The following CDH13 variants were observed in gnomAD, a reference collection of about 807,000 sequenced individuals.
CDH13 encodes cadherin-13.
CDH13 carries 24 observed loss-of-function variants against 63.8 expected under a neutral mutation model. That is an observed-to-expected ratio of 0.38 (90% confidence interval 0.27 to 0.53). CDH13 has a LOEUF of 0.53. CDH13 is among the 20% of genes least tolerant of loss of function. The pLI is 0.85. For missense variants in CDH13, 1,049 were observed against 903.1 expected, an observed-to-expected ratio of 1.16 and a Z score of -2.07; for synonymous variants, 503 against 355.3, an observed-to-expected ratio of 1.42 and a Z score of -4.67.
At chr16:83,263,569 A>T (rs554195793) in intron 5 of CDH13, among the ~76,000 whole-genome samples, 165 of 152,018 alleles carry the variant, frequency 1.1e-3, no homozygotes, top group Non-Finnish European at 1.8e-3. Flanking sequence ...GGTTTGATAT[A>T]AAAAAAACAA....
At chr16:83,355,142 G>A (rs913517883) in intron 6 of CDH13, among the ~76,000 whole-genome samples, 11 of 152,188 alleles carry the variant, frequency 7.2e-5, no homozygotes, top group African/African-American at 2.7e-4. Context: ...TCTGTGGAGA[G>A]AGAAATAGGG....
rs2089727730 is a variant in CDH13 at position 83,301,039 on chromosome 16, T to TTTTTC, written c.637-43819_637-43818insCTTTT. On this transcript the variant is annotated intron_variant, in intron 5 of 13. Coordinates refer to ENST00000567109, the MANE Select transcript of CDH13 (RefSeq NM_001257.5). Reference sequence around the variant, plus strand: ...AACTTTCTGGGGTTTTTTTTTTTTTTTTTTTTTTTTGAGACAGAGCCTCAC... The same window carrying TTTTTC: ...AACTTTCTGGGGTTTTTTTTTTTTTTTTTTCTTTTTTTTTTGAGACAGAGCCTCAC... 2.9e-5 allele frequency among the ~76,000 whole-genome samples: 4 copies of TTTTTC among 137,572 alleles called. No homozygotes were observed. In the South Asian group the frequency reaches 1.0e-3, roughly 35 times the overall value. The allele number at this position is 137,572 out of a possible 152,430, so 90.3% of individuals were successfully genotyped here.
intron 4 of CDH13, among the ~76,000 whole-genome samples, chr16:83,179,359 G>A (rs1041579354): frequency 6.6e-6 from 1 of 151,788 alleles, no homozygotes; most frequent in Non-Finnish European, 1.5e-5. Context: ...TCAACAAAAG[G>A]GAGGATGGGC....
At chr16:82,912,334 T>A (rs1198139685) in intron 2 of CDH13, among the ~76,000 whole-genome samples, 1 of 152,200 alleles carries the variant, frequency 6.6e-6, no homozygotes, top group Non-Finnish European at 1.5e-5. Flanking sequence ...TAAATATCCT[T>A]TCCTGCTCCA....
chr16:83,463,081 C>T (rs537376410), intron 6 of CDH13, among the ~76,000 whole-genome samples: 7 of 151,992 alleles, frequency 4.6e-5, no homozygotes, highest in African/African-American at 1.5e-4. Context: ...AACACTGCCT[C>T]GGGAAGGAGT....
intron 11 of CDH13, among the ~76,000 whole-genome samples, chr16:83,752,616 T>G (rs1248297220): frequency 1.3e-5 from 2 of 152,204 alleles, no homozygotes; most frequent in African/African-American, 2.4e-5. Flanking sequence ...TACAGCTGTT[T>G]CTCATCTTTG....
chr16:83,465,983 G>A (rs756200188), intron 6 of CDH13, among the ~76,000 whole-genome samples: 1 of 152,154 alleles, frequency 6.6e-6, no homozygotes, highest in Non-Finnish European at 1.5e-5. Context: ...CTACAGGGAG[G>A]AGAAGTCTCT....
intron 1 of CDH13, among the ~76,000 whole-genome samples, chr16:82,730,505 G>A (rs926771873): frequency 1.3e-5 from 2 of 152,194 alleles, no homozygotes; most frequent in Admixed American, 6.5e-5. Flanking sequence ...TATGGGCATG[G>A]TTTGTGGCAT....
rs7197666 is a variant in CDH13 at position 82,701,636 on chromosome 16, A to T, written c.45+74499A>T. Among the ~76,000 whole-genome samples, 1,051 of 152,012 alleles carry T rather than the reference A, an allele frequency of 6.9e-3. 16 individuals are homozygous for T. The highest frequency in any genetic ancestry group is 0.023 in the African/African-American group (953 of 41,418). ...TTTTTTTTGGCTGTGCTCTGTGATC[A>T]CATGTCTCATTGTGGTGATAACGTG... On this transcript the variant is annotated intron_variant, in intron 1 of 13. Coordinates refer to ENST00000567109, the MANE Select transcript of CDH13 (RefSeq NM_001257.5).
chr16:83,173,179 C>T (rs2037993788), intron 4 of CDH13, among the ~76,000 whole-genome samples: 1 of 152,120 alleles, frequency 6.6e-6, no homozygotes, highest in Non-Finnish European at 1.5e-5. Flanking sequence ...ATATGTCCAG[C>T]CAGAATCTCT....
chr16:82,640,156 G>C (rs1909211590), intron 1 of CDH13, among the ~76,000 whole-genome samples: 1 of 152,170 alleles, frequency 6.6e-6, no homozygotes, highest in Non-Finnish European at 1.5e-5. Context: ...GTTCAAATGG[G>C]GTAGAGTGAT....
At chr16:83,386,876 A>C (rs1261279025) in intron 6 of CDH13, among the ~76,000 whole-genome samples, 1 of 152,162 alleles carries the variant, frequency 6.6e-6, no homozygotes, top group African/African-American at 2.4e-5. Flanking sequence ...TTCTGTATTT[A>C]AGGAAGAGAT....
intron 2 of CDH13, among the ~76,000 whole-genome samples, chr16:82,872,992 G>A (rs2040394853): frequency 6.6e-6 from 1 of 152,184 alleles, no homozygotes; most frequent in Non-Finnish European, 1.5e-5. Context: ...CAGGAAAACG[G>A]CACATGACAA....
chr16:82,642,587 C>G (rs762055476), intron 1 of CDH13, among the ~76,000 whole-genome samples: 1 of 152,162 alleles, frequency 6.6e-6, no homozygotes, highest in Admixed American at 6.5e-5. Context: ...CCTAATCATA[C>G]AATCTCCACC....
chr16:83,643,490 T>C (rs903338510), intron 8 of CDH13, among the ~76,000 whole-genome samples: 1 of 152,200 alleles, frequency 6.6e-6, no homozygotes, highest in African/African-American at 2.4e-5. Flanking sequence ...AATAATACTC[T>C]ATTTCTTTAG....
chr16:83,560,546 A>C (rs1398620182), intron 7 of CDH13, among the ~76,000 whole-genome samples: 4 of 152,214 alleles, frequency 2.6e-5, no homozygotes. Context: ...ATTAGACAAC[A>C]GTACAAAGTT....
At chr16:83,627,883 G>A (rs771780273) in intron 8 of CDH13, among the ~76,000 whole-genome samples, 35 of 152,350 alleles carry the variant, frequency 2.3e-4, no homozygotes, top group Non-Finnish European at 4.7e-4. Context: ...TTTCTTGACT[G>A]TGTGTTAAAC....
intron 1 of CDH13, among the ~76,000 whole-genome samples, chr16:82,716,164 C>G (rs1011210480): frequency 6.6e-6 from 1 of 152,212 alleles, no homozygotes. Context: ...ACTCCTCAAT[C>G]CCCCGAGGAG....
At chr16:83,567,911 C>T (rs549130493) in intron 7 of CDH13, among the ~76,000 whole-genome samples, 18 of 152,242 alleles carry the variant, frequency 1.2e-4, no homozygotes, top group African/African-American at 4.3e-4. Context: ...CAAGTTTTAA[C>T]CCTGTAAATT....
Sources: gnomAD v4.1 joint callset for allele counts (sites outside exome capture counted in the v4.1 genomes callset) on GRCh38, gnomAD v4.1.1 for gene constraint, MANE v1.5 for transcripts, NCBI Gene and HGNC (gene_info 2026-07-23, HGNC 2026-07-21) for gene names.